PRAMEF20: variants seen among roughly 807,000 people sequenced by gnomAD.
The protein encoded by PRAMEF20 is PRAME family member 20/21.
PRAMEF20 carries 27 observed loss-of-function variants against 32.4 expected under a neutral mutation model. The observed-to-expected ratio is 0.83, with a 90% CI of 0.61 to 1.15. The LOEUF is 1.15. Ranked by LOEUF, PRAMEF20 falls within the 50% of genes most tolerant of loss-of-function variation. The pLI, the probability that PRAMEF20 is intolerant of heterozygous loss-of-function variation, is 0.00. For synonymous variants in PRAMEF20, 256 were observed against 235.4 expected, an observed-to-expected ratio of 1.09 and a Z score of -0.80; for missense variants, 604 against 584.5, an observed-to-expected ratio of 1.03 and a Z score of -0.34.
chr1:13,420,632 T>A (rs955693467), intron 2 of PRAMEF20, 65 bp from the exon 4 acceptor site: 3 of 1,609,672 alleles, frequency 1.9e-6, no homozygotes, highest in Non-Finnish European at 2.5e-6. Flanking sequence ...TTTGAAGTCA[T>A]TCCCTACCAC....
intron 1 of PRAMEF20, among the ~76,000 whole-genome samples, chr1:13,417,003 G>T (rs2100433491): frequency 6.6e-6 from 1 of 152,274 alleles, no homozygotes; most frequent in African/African-American, 2.4e-5. Flanking sequence ...GTCCAGAATT[G>T]GTTCCTGCCG....
At position 13,418,706 on chromosome 1, in the gene PRAMEF20, G is replaced by A. The variant is rs1205429893; in HGVS notation, c.866+6G>A. 2.5e-6 allele frequency: 4 copies of A among 1,613,084 alleles called. No individual in the cohort carries two copies. The highest frequency in any genetic ancestry group is 3.4e-6 in the Non-Finnish European group (4 of 1,179,868). On this transcript the variant is annotated splice_donor_region_variant and intron_variant, in intron 2 of 2. Transcript: ENST00000602960. ...CACCTGGACCAGATGCTCAGGTGAG[G>A]AAGGGTAGTGAGCTTTCTCTGCAGA...
In PRAMEF20 at chr1:13,418,818, A is replaced by T. The variant is rs1641212589; in HGVS notation, c.866+118A>T. The T allele has an allele frequency of 1.9e-6, 3 of 1,555,556 alleles. No individual in the cohort carries two copies. The Admixed American group carries it at 5.3e-5, about 28-fold the overall frequency. On this transcript the variant is annotated intron_variant, in intron 2 of 2. Coordinates refer to ENST00000602960, the Ensembl canonical transcript of PRAMEF20. ...ACAGTAAAGGGGACACTAGAATGTC[A>T]GTGCATTTTCCTGTTGGAAGTGGGT...
intron 1 of PRAMEF20, among the ~76,000 whole-genome samples, chr1:13,417,805 G>A (rs1371519524): frequency 1.4e-5 from 2 of 143,750 alleles, no homozygotes; most frequent in African/African-American, 2.6e-5. Flanking sequence ...GCAGTGGCGC[G>A]ATCTCAGCTC....
At chr1:13,417,910 T>TTGTGTGTGTG (rs71272484) in intron 1 of PRAMEF20, among the ~76,000 whole-genome samples, 1,544 of 124,232 alleles carry the variant, frequency 0.012, 28 homozygotes, top group East Asian at 0.015. Context: ...CCCGGCTAAT[T>TTGTGTGTGTG]TGTGTGTGTG....
At chr1:13,412,031 ATTTT>A (rs1431512671), upstream of PRAMEF20, among the ~76,000 whole-genome samples, 2 of 131,708 alleles carry the variant, frequency 1.5e-5, no homozygotes, top group African/African-American at 3.2e-5. Flanking sequence ...AATTTAATTT[ATTTT>A]ATTTATTTAT....
At position 13,418,374 on chromosome 1, in the gene PRAMEF20, G is replaced by C; in HGVS notation, c.540G>C (p.Leu180=). 2.5e-6 allele frequency: 4 copies of C among 1,613,912 alleles called. No individual in the cohort carries two copies. The South Asian group carries it at 4.4e-5, about 18-fold the overall frequency. ...AGCAGAGGGAAGGTTTAGTACACCT[G>C]TGCTGTAAGAAGCTGAAAATGTTGG... Residue 180 remains leucine, a synonymous_variant, in exon 2 of 3, where the codon CTG becomes CTC. Coordinates refer to ENST00000602960, the Ensembl canonical transcript of PRAMEF20.
At chr1:13,413,506 A>T (rs1270051138), upstream of PRAMEF20, among the ~76,000 whole-genome samples, 1 of 152,098 alleles carries the variant, frequency 6.6e-6, no homozygotes, top group African/African-American at 2.4e-5. Context: ...CTGGGACTAC[A>T]GGCACACACC....
chr1:13,414,657 G>T (rs879133830), upstream of PRAMEF20, among the ~76,000 whole-genome samples: 124 of 150,778 alleles, frequency 8.2e-4, no homozygotes, highest in Non-Finnish European at 1.6e-3. Context: ...TAGAGACGGG[G>T]TGTCACCATG....
At chr1:13,417,534 T>C (rs1187446491) in intron 1 of PRAMEF20, among the ~76,000 whole-genome samples, 2 of 149,314 alleles carry the variant, frequency 1.3e-5, no homozygotes, top group South Asian at 2.1e-4. Context: ...ACCCGGGAGC[T>C]GGAGGTTGCA....
chr1:13,421,282 T>C (rs1398655113), exon 3 of PRAMEF20: 1 of 1,613,676 alleles, frequency 6.2e-7, no homozygotes, highest in Non-Finnish European at 8.5e-7. Context: ...TGGGTGGATA[T>C]ATCAAACTCT....
At chr1:13,416,479 A>G in exon 1 of PRAMEF20, 1 of 1,614,070 alleles carries the variant, frequency 6.2e-7, no homozygotes, top group Non-Finnish European at 8.5e-7. Flanking sequence ...TTGTTCATGG[A>G]GGCCTTCAGC....
upstream of PRAMEF20, among the ~76,000 whole-genome samples, chr1:13,415,821 G>T: frequency 7.3e-6 from 1 of 137,132 alleles, no homozygotes; most frequent in Non-Finnish European, 1.6e-5. Flanking sequence ...GGGAGGGAGG[G>T]AGGGATGAGG....
At chr1:13,419,795 A>G (rs1641222289) in intron 2 of PRAMEF20, among the ~76,000 whole-genome samples, 1 of 152,188 alleles carries the variant, frequency 6.6e-6, no homozygotes, top group Non-Finnish European at 1.5e-5. Context: ...GGGAATGCTC[A>G]GCAAACCTGC....
chr1:13,417,609 A>G (rs1418809384), intron 1 of PRAMEF20, among the ~76,000 whole-genome samples: 2 of 151,866 alleles, frequency 1.3e-5, no homozygotes, highest in South Asian at 2.1e-4. Flanking sequence ...TCTCAAAAAA[A>G]AAAAAGTGGA....
chr1:13,416,226 G>A (rs1641167797), upstream of PRAMEF20: 4 of 1,538,036 alleles, frequency 2.6e-6, no homozygotes, highest in Non-Finnish European at 9.0e-7. Context: ...GGAGTAAACT[G>A]AGGGCTCTTT....
chr1:13,415,581 G>A (rs1338938892), upstream of PRAMEF20, among the ~76,000 whole-genome samples: 3 of 150,908 alleles, frequency 2.0e-5, no homozygotes, highest in Non-Finnish European at 4.4e-5. Context: ...AGGAGTTCAA[G>A]ACCAGCCTGG....
At chr1:13,416,707 T>C in intron 1 of PRAMEF20, 66 bp downstream of exon 2, 4 of 1,612,036 alleles carry the variant, frequency 2.5e-6, no homozygotes, top group South Asian at 1.1e-5. Flanking sequence ...AGCTGGGTCA[T>C]GAGGAGTGAG....
upstream of PRAMEF20, among the ~76,000 whole-genome samples, chr1:13,412,193 T>G (rs907742309): frequency 3.2e-3 from 492 of 152,154 alleles, 3 homozygotes; most frequent in African/African-American, 0.011. Context: ...AATTTTTGTA[T>G]TTTTAGTAGA....
Sources: gnomAD v4.1 joint callset for allele counts (sites outside exome capture counted in the v4.1 genomes callset) on GRCh38, gnomAD v4.1.1 for gene constraint, MANE v1.5 for transcripts, NCBI Gene and HGNC (gene_info 2026-07-23, HGNC 2026-07-21) for gene names.